Variants in BMP8B observed in about 807,000 individuals in gnomAD.
The protein encoded by BMP8B is bone morphogenetic protein 8b.
BMP8B carries 17 observed loss-of-function variants against 30.3 expected under a neutral mutation model. That is an observed-to-expected ratio of 0.56 (90% CI 0.38 to 0.84). The LOEUF (loss-of-function observed/expected upper bound fraction) is 0.84. Ranked by LOEUF, BMP8B falls within the 40% of genes least tolerant of loss-of-function variation. The pLI is 0.00. For missense variants in BMP8B, 253 were observed against 494.6 expected, an observed-to-expected ratio of 0.51 and a Z score of 4.63; for synonymous variants, 131 against 214.7, an observed-to-expected ratio of 0.61 and a Z score of 3.41.
intron 1 of BMP8B, among the ~76,000 whole-genome samples, chr1:39,782,656 C>T (rs1296814703): frequency 6.6e-6 from 1 of 151,974 alleles, no homozygotes; most frequent in Non-Finnish European, 1.5e-5. Flanking sequence ...TTAGTAGAGA[C>T]GGGGTTTCAC....
At position 39,760,413 on chromosome 1, in the gene BMP8B, G is replaced by A. The variant is rs375168101; in HGVS notation, c.*6C>T. ...GGGTGGCTGCAGCTGGGCCGGGCGG[G>A]TGGACTCAGTGGCAGCCGCAGGCCT... is the stretch of plus-strand genomic sequence containing the variant. On this transcript the variant is annotated 3_prime_UTR_variant, in exon 7 of 7. Coordinates refer to ENST00000372827, the MANE Select transcript of BMP8B (RefSeq NM_001720.5). 7 of 1,613,588 alleles carry A rather than the reference G, an allele frequency of 4.3e-6. No individual in the cohort carries two copies. Among genetic ancestry groups the A allele is most frequent in the Non-Finnish European group, 5.9e-6 (7 of 1,180,024 alleles).
At chr1:39,762,713 G>T (rs1649164148) in intron 6 of BMP8B, 2 of 1,458,974 alleles carry the variant, frequency 1.4e-6, no homozygotes, top group Non-Finnish European at 1.8e-6. Context: ...GGTCAGACTT[G>T]CCAGCGTACT....
chr1:39,776,665 T>G (rs183745031), intron 1 of BMP8B, among the ~76,000 whole-genome samples: 3 of 152,370 alleles, frequency 2.0e-5, no homozygotes, highest in African/African-American at 7.2e-5. Flanking sequence ...GAACGTGCCT[T>G]GTCCCACAGC....
At chr1:39,785,595 T>C (rs1345948819) in intron 1 of BMP8B, among the ~76,000 whole-genome samples, 1 of 152,230 alleles carries the variant, frequency 6.6e-6, no homozygotes, top group Non-Finnish European at 1.5e-5. Flanking sequence ...AGGAGTCAGA[T>C]GAAGCTGATA....
chr1:39,775,510 T>A (rs1650164369), intron 1 of BMP8B, among the ~76,000 whole-genome samples: 1 of 152,128 alleles, frequency 6.6e-6, no homozygotes, highest in South Asian at 2.1e-4. Flanking sequence ...ACACAAGGCA[T>A]CCAGAGCCTG....
intron 1 of BMP8B, among the ~76,000 whole-genome samples, chr1:39,778,784 G>T (rs1420250025): frequency 6.6e-6 from 1 of 152,226 alleles, no homozygotes; most frequent in Non-Finnish European, 1.5e-5. Context: ...AATGAACTGT[G>T]GGAATTTTCC....
chr1:39,778,305 G>A (rs1447067078), intron 1 of BMP8B, among the ~76,000 whole-genome samples: 1 of 151,704 alleles, frequency 6.6e-6, no homozygotes, highest in Non-Finnish European at 1.5e-5. Context: ...TCCCGGCCTG[G>A]CCCCTGAGGG....
chr1:39,768,082 GCACA>G lies in BMP8B; in HGVS notation c.674-3269_674-3266del, dbSNP rs376676110. Among the ~76,000 whole-genome samples, 15 of 149,088 alleles carry G rather than the reference GCACA, an allele frequency of 1.0e-4. 1 individual carries two copies. Among genetic ancestry groups the G allele is most frequent in the African/African-American group, 2.2e-4 (9 of 40,514 alleles). On this transcript the variant is annotated intron_variant, in intron 3 of 6. Coordinates refer to ENST00000372827, the MANE Select transcript of BMP8B (RefSeq NM_001720.5). ...CAACAGCACGTGTGCACGCGTGCAT[GCACA>G]CACACACACACACACAATCTTAATT... is the stretch of plus-strand genomic sequence containing the variant.
At chr1:39,763,237 G>A (rs1649268930) in intron 5 of BMP8B, 35 bp from the exon 6 acceptor site, 1 of 1,567,554 alleles carries the variant, frequency 6.4e-7, no homozygotes, top group Non-Finnish European at 8.7e-7. Flanking sequence ...TCCCATCCAT[G>A]TGCCCCTCCC....
chr1:39,779,271 C>T (rs1650452171), intron 1 of BMP8B, among the ~76,000 whole-genome samples: 1 of 152,176 alleles, frequency 6.6e-6, no homozygotes, highest in South Asian at 2.1e-4. Flanking sequence ...CGCACACAGA[C>T]AGGGAGGGCC....
chr1:39,766,844 C>T (rs1187993949), intron 3 of BMP8B, among the ~76,000 whole-genome samples: 7 of 151,286 alleles, frequency 4.6e-5, no homozygotes, highest in Admixed American at 6.6e-5. Flanking sequence ...GAGGTCACAA[C>T]GGAGAGAGAA....
At chr1:39,782,459 C>CTAAGTTTTGTT (rs3062778) in intron 1 of BMP8B, among the ~76,000 whole-genome samples, 5 of 151,274 alleles carry the variant, frequency 3.3e-5, no homozygotes, top group Non-Finnish European at 5.9e-5. Context: ...CAGACACTTG[C>CTAAGTTTTGTT]TTTGTTTTTG....
chr1:39,783,798 C>T (rs1013093092), intron 1 of BMP8B, among the ~76,000 whole-genome samples: 1 of 152,136 alleles, frequency 6.6e-6, no homozygotes, highest in Non-Finnish European at 1.5e-5. Context: ...TAGTTCTAGC[C>T]ATTCAGGAGG....
At chr1:39,782,815 A>G (rs182477506) in intron 1 of BMP8B, among the ~76,000 whole-genome samples, 1 of 152,132 alleles carries the variant, frequency 6.6e-6, no homozygotes, top group East Asian at 1.9e-4. Flanking sequence ...TAATCATTGT[A>G]TTATGATACA....
chr1:39,783,734 C>A (rs1650807641), intron 1 of BMP8B, among the ~76,000 whole-genome samples: 2 of 152,120 alleles, frequency 1.3e-5, no homozygotes, highest in Non-Finnish European at 2.9e-5. Context: ...ATAATGAGAT[C>A]CCGCCTCTAC....
chr1:39,782,459 CTTTG>C (rs1356862655), intron 1 of BMP8B, among the ~76,000 whole-genome samples: 4 of 151,274 alleles, frequency 2.6e-5, no homozygotes, highest in Non-Finnish European at 5.9e-5. Context: ...CAGACACTTG[CTTTG>C]TTTTTGTTTT....
At chr1:39,776,122 T>A (rs1199282203) in intron 1 of BMP8B, among the ~76,000 whole-genome samples, 3 of 151,826 alleles carry the variant, frequency 2.0e-5, no homozygotes, top group Non-Finnish European at 4.4e-5. Flanking sequence ...GGAGGCGGCG[T>A]GGGTGGAGGG....
chr1:39,783,304 A>C (rs2124505254), intron 1 of BMP8B, among the ~76,000 whole-genome samples: 1 of 152,194 alleles, frequency 6.6e-6, no homozygotes, highest in Non-Finnish European at 1.5e-5. Flanking sequence ...GGGGCCAGTC[A>C]CTTACACTCT....
At position 39,763,787 on chromosome 1, in the gene BMP8B, G is replaced by A. The variant is rs757020301; in HGVS notation, c.873C>T (p.Asp291=). The stretch of plus-strand genomic sequence containing the variant: ...CCTGCCGGCCGTGGGAGCCGTGGAC[G>A]TCATCTGCAGGGACAGAAGGGGCAA... ...QANRLPGIFD[D]VHGSHGRQVC... The change falls in exon 5 of 7, where the codon GAC becomes GAT. Residue 291 remains aspartate, a synonymous_variant. Transcript: ENST00000372827. The A allele has an allele frequency of 6.9e-6, 11 of 1,599,906 alleles. No individual in the cohort carries two copies. The highest frequency in any genetic ancestry group is 3.3e-5 in the Admixed American group (2 of 59,706).
Sources: allele counts gnomAD v4.1 joint callset (sites outside exome capture counted in the v4.1 genomes callset), GRCh38; gene constraint gnomAD v4.1.1; transcripts MANE v1.5; gene names NCBI Gene and HGNC (gene_info 2026-07-23, HGNC 2026-07-21).